Variants in SLC24A1 observed in about 807,000 individuals in gnomAD.
SLC24A1 encodes solute carrier family 24 member 1, also known as sodium/potassium/calcium exchanger 1.
In SLC24A1, 52 loss-of-function variants were observed where a neutral mutation model predicts 88.1. The ratio of observed to expected loss-of-function variants is 0.59; its 90% confidence interval spans 0.47 to 0.74. The LOEUF is 0.74. SLC24A1 is among the 30% of genes least tolerant of loss of function. The probability of loss-of-function intolerance (pLI) is 0.00; values close to 1 mark genes in which losing one functional copy is unlikely to be tolerated. For missense variants in SLC24A1, 1,173 were observed against 1,363.3 expected (o/e 0.86, Z 2.20); for synonymous variants, 455 against 498.0 (o/e 0.91, Z 1.15).
intron 7 of SLC24A1, among the ~76,000 whole-genome samples, chr15:65,651,461 A>G (rs1596350418): frequency 6.6e-6 from 1 of 151,592 alleles, no homozygotes; most frequent in African/African-American, 2.4e-5. Flanking sequence ...TACTGGCTGG[A>G]CTCCCCTACA....
chr15:65,657,291 T>G (rs1228673950), downstream of SLC24A1, among the ~76,000 whole-genome samples: 1 of 152,186 alleles, frequency 6.6e-6, no homozygotes, highest in African/African-American at 2.4e-5. Context: ...ATTTAAAGAT[T>G]GAGTACCAAA....
downstream of SLC24A1, chr15:65,658,105 C>G (rs1366948930): frequency 6.6e-6 from 1 of 152,222 alleles, no homozygotes; most frequent in African/African-American, 2.4e-5. Context: ...AGTACAAGCA[C>G]ATGCGCAGAC....
chr15:65,620,071 A>T (rs7162307), upstream of SLC24A1, among the ~76,000 whole-genome samples: 954 of 149,726 alleles, frequency 6.4e-3, 9 homozygotes, highest in African/African-American at 0.022. Context: ...AATATATATA[A>T]AATGTATTTA....
rs1201821716 is a variant in SLC24A1, at chr15:65,654,715, T to C, written c.*636T>C. 3.1e-6 allele frequency: 4 copies of C among 1,281,000 alleles called. No homozygotes were observed. The highest frequency in any genetic ancestry group is 4.1e-6 in the Non-Finnish European group (4 of 985,446). 79.4% of individuals were successfully genotyped at this position (1,281,000 alleles called of 1,614,324 possible). ...ATATATACCAGTATTTTCTTTTTTTTTTTTTTTGAGACAGAGTTTGGCTCT... is the reference window on the plus strand; with the variant it reads ...ATATATACCAGTATTTTCTTTTTTTCTTTTTTTGAGACAGAGTTTGGCTCT... On this transcript the variant is annotated 3_prime_UTR_variant, in exon 10 of 10. Coordinates refer to ENST00000261892, the MANE Select transcript of SLC24A1 (RefSeq NM_004727.3).
intron 8 of SLC24A1, 63 bp downstream of exon 8, chr15:65,651,822 T>C: frequency 1.2e-6 from 1 of 834,402 alleles, no homozygotes; most frequent in East Asian, 2.5e-5. Flanking sequence ...TCCTTCAGGA[T>C]CAATCTCCGG....
At chr15:65,657,725 G>T (rs1330631057), downstream of SLC24A1, among the ~76,000 whole-genome samples, 1 of 152,016 alleles carries the variant, frequency 6.6e-6, no homozygotes, top group African/African-American at 2.4e-5. Context: ...CCCTTTTTTG[G>T]TGGGAGGGTC....
chr15:65,645,455 A>T (rs185851821), intron 5 of SLC24A1, among the ~76,000 whole-genome samples, 157 bp from the exon 6 acceptor site: 7 of 152,214 alleles, frequency 4.6e-5, no homozygotes, highest in Non-Finnish European at 8.8e-5. Flanking sequence ...AACAATTCAC[A>T]TCATCTTACT....
downstream of SLC24A1, chr15:65,660,628 T>G (rs903042037): frequency 4.3e-6 from 1 of 234,662 alleles, no homozygotes; most frequent in African/African-American, 2.3e-5. Context: ...TTTAAAGCTA[T>G]TTAATACTCA....
downstream of SLC24A1, among the ~76,000 whole-genome samples, chr15:65,657,374 G>A (rs1489402200): frequency 6.6e-6 from 1 of 152,182 alleles, no homozygotes; most frequent in African/African-American, 2.4e-5. Flanking sequence ...GGGCGCGGTG[G>A]CTCATGCCTA....
intron 2 of SLC24A1, among the ~76,000 whole-genome samples, chr15:65,632,357 A>C (rs1372834784): frequency 2.0e-5 from 3 of 152,192 alleles, no homozygotes; most frequent in Admixed American, 6.5e-5. Context: ...ATCAAGGATG[A>C]TGCTGATCTT....
intron 2 of SLC24A1, among the ~76,000 whole-genome samples, chr15:65,634,812 G>C (rs2074859449): frequency 1.4e-5 from 2 of 145,754 alleles, no homozygotes; most frequent in South Asian, 4.4e-4. Context: ...TAAACAAAAA[G>C]AAAAAAAAGA....
rs8033251 is a variant in SLC24A1, at chr15:65,614,832, A to G, written c.-228+2219A>G. Among the ~76,000 whole-genome samples, 978 of 152,190 alleles carry G rather than the reference A, an allele frequency of 6.4e-3. 9 individuals carry two copies. Among genetic ancestry groups the G allele is most frequent in the African/African-American group, 0.022 (934 of 41,522 alleles). ...GGAGGGGAGTAAGAGAGGTTATTGG[A>G]AAAAAAAGTCAAAGAGGAAAGCAGA... is the stretch of plus-strand genomic sequence containing the variant. On this transcript the variant is annotated intron_variant, in intron 2 of 11. Coordinates refer to the SLC24A1 transcript ENST00000537259.
chr15:65,636,074 T>C (rs1265722805), intron 2 of SLC24A1, among the ~76,000 whole-genome samples: 2 of 152,184 alleles, frequency 1.3e-5, no homozygotes, highest in Non-Finnish European at 2.9e-5. Context: ...AATTCTGGTT[T>C]AGCCATGGAG....
intron 2 of SLC24A1, among the ~76,000 whole-genome samples, chr15:65,616,150 C>T (rs1336404505): frequency 2.0e-5 from 3 of 151,936 alleles, no homozygotes; most frequent in Admixed American, 1.3e-4. Context: ...TGGGTTGGTT[C>T]CAAGTCTTTG....
rs1227226699 is a variant in SLC24A1, at chr15:65,650,616, G to A, written c.2467G>A (p.Gly823Ser). Reference protein sequence around the residue: ...EIHAEDGEMKGNEGETESQEL... With the variant: ...EIHAEDGEMKSNEGETESQEL... ...CCACGCAGAAGATGGTGAAATGAAA[G>A]GTAATGAAGGTGAAACTGAAAGCCA... Residue 823 changes from glycine to serine, a missense_variant, in exon 7 of 10, where the codon GGT becomes AGT. Physicochemically the swap from Gly to Ser is moderately conservative, Grantham distance 56 (BLOSUM62 0). Transcript: ENST00000261892. The surrounding 1 kb of genome is among the most constrained non-coding windows in gnomAD (Gnocchi z 4.1). 2 of 1,551,200 alleles carry A rather than the reference G, an allele frequency of 1.3e-6. No individual in the cohort carries two copies. Among genetic ancestry groups the A allele is most frequent in the Admixed American group, 2.0e-5 (1 of 50,892 alleles).
At chr15:65,627,326 G>A (rs2074553505) in intron 2 of SLC24A1, among the ~76,000 whole-genome samples, 1 of 152,208 alleles carries the variant, frequency 6.6e-6, no homozygotes, top group Admixed American at 6.5e-5. Flanking sequence ...GATAATGTCT[G>A]TGTCCAAGTG....
chr15:65,638,810 G>A (rs1377764967), intron 3 of SLC24A1, among the ~76,000 whole-genome samples: 1 of 151,956 alleles, frequency 6.6e-6, no homozygotes, highest in Non-Finnish European at 1.5e-5. Flanking sequence ...AGAGGGATGA[G>A]GGGGAAGAAA....
intron 6 of SLC24A1, 139 bp downstream of exon 6, chr15:65,645,842 A>T: frequency 1.6e-6 from 1 of 626,514 alleles, no homozygotes; most frequent in South Asian, 2.1e-5. Flanking sequence ...CTTTCTCTGA[A>T]GATCACTTGA....
At chr15:65,615,514 C>G (rs1158196467) in intron 2 of SLC24A1, among the ~76,000 whole-genome samples, 2 of 152,024 alleles carry the variant, frequency 1.3e-5, no homozygotes, top group Non-Finnish European at 2.9e-5. Context: ...GTAACCCTGT[C>G]TCTACTAAAA....
Sources: allele counts gnomAD v4.1 joint callset (sites outside exome capture counted in the v4.1 genomes callset), GRCh38; gene constraint gnomAD v4.1.1; non-coding constraint Gnocchi (gnomAD v3.1); transcripts MANE v1.5; gene names NCBI Gene and HGNC (gene_info 2026-07-23, HGNC 2026-07-21).